The following PDE11A variants were observed in gnomAD, a reference collection of about 807,000 sequenced individuals.
The protein encoded by PDE11A is phosphodiesterase 11A, also known as dual 3',5'-cyclic-AMP and -GMP phosphodiesterase 11A.
Under a neutral mutation model 100.5 loss-of-function variants are expected in PDE11A, and 100 were observed. The ratio of observed to expected loss-of-function variants is 1.00; its 90% CI spans 0.85 to 1.18. The LOEUF (loss-of-function observed/expected upper bound fraction) is 1.18, where lower values mean the gene tolerates loss of function less well. Among genes scored for constraint, PDE11A ranks in the 50% most tolerant of loss-of-function variants. The pLI is 0.00. For synonymous variants in PDE11A, 381 were observed against 420.8 expected, an observed-to-expected ratio of 0.91 and a Z score of 1.16; for missense variants, 1,141 against 1,152.6, an observed-to-expected ratio of 0.99 and a Z score of 0.15.
At chr2:177,630,605 C>T (rs1216082908) in intron 19 of PDE11A, among the ~76,000 whole-genome samples, 2 of 152,080 alleles carry the variant, frequency 1.3e-5, no homozygotes, top group Non-Finnish European at 2.9e-5. Context: ...TTACTCTGCC[C>T]AACAGGAAAA....
chr2:177,787,057 G>A (rs1018347221), intron 9 of PDE11A, among the ~76,000 whole-genome samples: 5 of 141,522 alleles, frequency 3.5e-5, no homozygotes, highest in South Asian at 2.4e-4. Flanking sequence ...GATACTCTTC[G>A]AGAAGAGCAA....
intron 6 of PDE11A, among the ~76,000 whole-genome samples, chr2:177,836,615 G>C (rs2105615581): frequency 6.6e-6 from 1 of 152,338 alleles, no homozygotes. Flanking sequence ...CAGTGTGGAA[G>C]CTTTGTTCTT....
chr2:177,644,513 G>A (rs2080191315), intron 19 of PDE11A, among the ~76,000 whole-genome samples: 1 of 152,244 alleles, frequency 6.6e-6, no homozygotes, highest in African/African-American at 2.4e-5. Context: ...TATCTAGGAA[G>A]TAACTAACTT....
intron 1 of PDE11A, chr2:178,038,955 G>T (rs2086650007): frequency 6.6e-6 from 1 of 152,170 alleles, no homozygotes; most frequent in Non-Finnish European, 1.5e-5. Context: ...AGATTAGCAT[G>T]GCCCCTGCGC....
intron 2 of PDE11A, among the ~76,000 whole-genome samples, chr2:177,925,028 T>C (rs1235919851): frequency 1.3e-5 from 2 of 150,722 alleles, no homozygotes; most frequent in Non-Finnish European, 3.0e-5. Context: ...TGATTTCCAA[T>C]TTCATCCATG....
rs918637418 is a variant in PDE11A at position 177,638,201 on chromosome 2, G to A, written c.2647-8639C>T. On this transcript the variant is annotated intron_variant, in intron 19 of 19. Coordinates refer to ENST00000286063, the MANE Select transcript of PDE11A (RefSeq NM_016953.4). ...TTTTTAGTAGAGACAGGGTTTCACC[G>A]TGTTAGCCAGGATGGTCTCGATCTC... 3.3e-4 allele frequency among the ~76,000 whole-genome samples: 50 copies of A among 151,658 alleles called. No individual in the cohort carries two copies. The East Asian group carries it at 3.5e-3, about 11-fold the overall frequency.
intron 19 of PDE11A, among the ~76,000 whole-genome samples, chr2:177,631,538 T>C (rs1267060704): frequency 3.4e-4 from 7 of 20,510 alleles, no homozygotes; most frequent in African/African-American, 1.1e-3. Context: ...TATATATATA[T>C]ATATATATAC....
At chr2:177,868,173 A>ATTC (rs1167962010) in intron 5 of PDE11A, among the ~76,000 whole-genome samples, 1 of 152,218 alleles carries the variant, frequency 6.6e-6, no homozygotes, top group Non-Finnish European at 1.5e-5. Context: ...GAAACAGAAG[A>ATTC]TTCACTCTTC....
intron 10 of PDE11A, 88 bp downstream of exon 10, chr2:177,769,235 T>C: frequency 2.5e-6 from 2 of 815,868 alleles, no homozygotes; most frequent in Non-Finnish European, 4.4e-6. Flanking sequence ...ATGGGCAGGA[T>C]TAATTCTCTA....
intron 10 of PDE11A, among the ~76,000 whole-genome samples, chr2:177,732,531 C>A (rs2105453125): frequency 6.6e-6 from 1 of 152,298 alleles, no homozygotes; most frequent in East Asian, 1.9e-4. Flanking sequence ...AGCACTACTC[C>A]ACTCCAGGTG....
chr2:177,851,953 A>G lies in PDE11A; in HGVS notation c.1368-11570T>C, dbSNP rs556522812. ...GTGCACTGTTCCCCTCTAGGTGTCC[A>G]TGTGTTCTCATCATTTAGCTCCCAC... On this transcript the variant is annotated intron_variant, in intron 5 of 19. Transcript: ENST00000286063. Among the ~76,000 whole-genome samples the G allele has an allele frequency of 2.6e-5, 4 of 152,014 alleles. No homozygotes were observed. In the South Asian group the frequency reaches 8.3e-4, roughly 32 times the overall value.
intron 12 of PDE11A, among the ~76,000 whole-genome samples, chr2:177,726,821 CT>C (rs954986083): frequency 2.0e-5 from 3 of 150,706 alleles, no homozygotes; most frequent in South Asian, 4.2e-4. Context: ...GACTCACATT[CT>C]TTTTTTTTGT....
At chr2:177,685,514 G>A (rs1175609006) in intron 15 of PDE11A, among the ~76,000 whole-genome samples, 1 of 152,104 alleles carries the variant, frequency 6.6e-6, no homozygotes, top group Non-Finnish European at 1.5e-5. Context: ...TTCCCTGTGT[G>A]ACTAACTCAT....
intron 19 of PDE11A, among the ~76,000 whole-genome samples, chr2:177,648,860 T>A (rs575955845): frequency 6.6e-6 from 1 of 152,176 alleles, no homozygotes; most frequent in African/African-American, 2.4e-5. Context: ...AACATATTTG[T>A]CACCTTTGCA....
chr2:177,829,193 C>T (rs1476735626), intron 6 of PDE11A, among the ~76,000 whole-genome samples: 1 of 151,772 alleles, frequency 6.6e-6, no homozygotes, highest in African/African-American at 2.4e-5. Flanking sequence ...GAGGAGCAGG[C>T]TTGGGGGGCA....
At chr2:177,982,448 G>A (rs1012736406) in intron 2 of PDE11A, among the ~76,000 whole-genome samples, 2 of 150,648 alleles carry the variant, frequency 1.3e-5, no homozygotes, top group Admixed American at 1.3e-4. Context: ...CTTCAAATTA[G>A]TTAGCAAAGG....
At chr2:177,721,775 G>A (rs748053066) in intron 12 of PDE11A, among the ~76,000 whole-genome samples, 9 of 152,164 alleles carry the variant, frequency 5.9e-5, no homozygotes, top group Non-Finnish European at 1.3e-4. Context: ...CACATTAATT[G>A]TGTAGAAAGA....
At chr2:177,840,408 G>A in intron 5 of PDE11A, 25 bp from the exon 6 acceptor site, 1 of 1,610,816 alleles carries the variant, frequency 6.2e-7, no homozygotes, top group Non-Finnish European at 8.5e-7. Context: ...AGGTAGGCAG[G>A]AAGAAAAGAG....
intron 2 of PDE11A, chr2:177,998,072 A>T (rs1384237994): frequency 2.3e-6 from 3 of 1,308,934 alleles, no homozygotes; most frequent in African/African-American, 1.5e-5. Context: ...CTGCCCACAC[A>T]CTCAGGATCT....
Sources: allele counts gnomAD v4.1 joint callset (sites outside exome capture counted in the v4.1 genomes callset), GRCh38; gene constraint gnomAD v4.1.1; transcripts MANE v1.5; gene names NCBI Gene and HGNC (gene_info 2026-07-23, HGNC 2026-07-21).